UNC79: variants seen among roughly 807,000 people sequenced by gnomAD.
UNC79 encodes protein unc-79 homolog.
A neutral mutation model predicts 283.1 loss-of-function variants in UNC79; 37 were observed. That is an observed-to-expected ratio of 0.13 (90% CI 0.10 to 0.17). UNC79 has a LOEUF of 0.17. UNC79 is among the 10% of genes least tolerant of loss of function. UNC79 has a pLI of 1.00. For synonymous variants in UNC79, 1,107 were observed against 1,200.2 expected, an observed-to-expected ratio of 0.92 and a Z score of 1.61; for missense variants, 2,272 against 3,211.1, an observed-to-expected ratio of 0.71 and a Z score of 7.07.
chr14:93,484,285 A>G (rs1249319760), intron 4 of UNC79, among the ~76,000 whole-genome samples: 1 of 152,230 alleles, frequency 6.6e-6, no homozygotes, highest in Non-Finnish European at 1.5e-5. Flanking sequence ...TACTGACCAA[A>G]AAAGTTGTTG....
chr14:93,670,084 A>T (rs1469393524), intron 40 of UNC79, among the ~76,000 whole-genome samples: 1 of 152,132 alleles, frequency 6.6e-6, no homozygotes, highest in Non-Finnish European at 1.5e-5. Context: ...AGGTGATTAC[A>T]TGAGTGTTCG....
At chr14:93,480,187 G>A (rs1337984174) in intron 4 of UNC79, among the ~76,000 whole-genome samples, 4 of 152,154 alleles carry the variant, frequency 2.6e-5, no homozygotes, top group African/African-American at 7.2e-5. Context: ...TGGCAACTGA[G>A]GAGAATAAAA....
At chr14:93,601,352 A>G (rs1358805867) in intron 25 of UNC79, among the ~76,000 whole-genome samples, 3 of 151,688 alleles carry the variant, frequency 2.0e-5, no homozygotes, top group African/African-American at 7.3e-5. Context: ...AACATACGAT[A>G]TTTGGTTTTC....
intron 1 of UNC79, among the ~76,000 whole-genome samples, chr14:93,354,165 G>C (rs2054035423): frequency 6.6e-6 from 1 of 152,212 alleles, no homozygotes; most frequent in African/African-American, 2.4e-5. Context: ...TAGAATTGAA[G>C]AAAGCTATGT....
At chr14:93,468,149 A>C (rs2057313239) in intron 2 of UNC79, among the ~76,000 whole-genome samples, 1 of 152,206 alleles carries the variant, frequency 6.6e-6, no homozygotes, top group Non-Finnish European at 1.5e-5. Context: ...GCAATTCAGA[A>C]TTATGTGGCA....
At chr14:93,401,625 C>A (rs1262389431) in intron 1 of UNC79, among the ~76,000 whole-genome samples, 1 of 152,164 alleles carries the variant, frequency 6.6e-6, no homozygotes, top group African/African-American at 2.4e-5. Flanking sequence ...AGAAAAGAGT[C>A]TGAAGAAAAT....
intron 40 of UNC79, among the ~76,000 whole-genome samples, chr14:93,668,468 T>C (rs1237768753): frequency 1.3e-5 from 2 of 152,010 alleles, no homozygotes; most frequent in Non-Finnish European, 2.9e-5. Flanking sequence ...CCCTTCACTT[T>C]GGAAGGCCAA....
chr14:93,505,730 C>T (rs1232648654), intron 7 of UNC79, among the ~76,000 whole-genome samples: 5 of 146,058 alleles, frequency 3.4e-5, no homozygotes, highest in East Asian at 2.0e-4. Context: ...TTCTCTCTCT[C>T]TTTTTTTTTT....
Position 93,571,977 on chromosome 14 carries a change from T to G in UNC79, c.1839T>G (p.Tyr613Ter). The change falls in exon 15 of 49, where the codon TAT (tyrosine) becomes TAG (stop). Residue 613 changes from tyrosine to a stop codon, truncating the protein, a stop_gained. Transcript: ENST00000555664. LOFTEE classifies it high-confidence loss of function. ...ACCGAATCCTCTGCCTGATCCCCTA[T>G]AATGTGATCAATCAATCTGTCTGGG... 6.2e-7 allele frequency: 1 copy of G among 1,614,238 alleles called. No homozygotes were observed. Among genetic ancestry groups the G allele is most frequent in the Non-Finnish European group, 8.5e-7 (1 of 1,180,024 alleles).
exon 46 of UNC79, chr14:93,691,826 T>C: frequency 6.2e-7 from 1 of 1,614,190 alleles, no homozygotes; most frequent in Non-Finnish European, 8.5e-7. Context: ...GCGAGCAAAG[T>C]GCCGTCGCTA....
At chr14:93,657,058 G>C (rs1024935704) in intron 38 of UNC79, among the ~76,000 whole-genome samples, 1 of 152,200 alleles carries the variant, frequency 6.6e-6, no homozygotes, top group African/African-American at 2.4e-5. Context: ...AGCGTGTGCT[G>C]CTTTGAGCTT....
intron 1 of UNC79, chr14:93,347,993 C>A: frequency 7.7e-7 from 1 of 1,292,156 alleles, no homozygotes; most frequent in Non-Finnish European, 1.1e-6. Context: ...GCCTAGGAAG[C>A]CATACTCAGC....
intron 5 of UNC79, among the ~76,000 whole-genome samples, chr14:93,493,901 A>ATATATGTATT (rs1251701550): frequency 2.0e-5 from 1 of 49,252 alleles, no homozygotes; most frequent in Non-Finnish European, 3.3e-5. Flanking sequence ...ATATATATAT[A>ATATATGTATT]TTTTTTTTTT....
intron 14 of UNC79, among the ~76,000 whole-genome samples, chr14:93,566,458 T>C (rs913285393): frequency 1.3e-5 from 2 of 152,008 alleles, no homozygotes; most frequent in African/African-American, 4.8e-5. Context: ...GGGCAGAGCA[T>C]GTTAAAGGTA....
At chr14:93,466,834 C>T (rs1309120492) in intron 1 of UNC79, 23 of 985,184 alleles carry the variant, frequency 2.3e-5, no homozygotes, top group African/African-American at 5.2e-5. Flanking sequence ...ATGACTAGAA[C>T]GGGGTCCTTC....
intron 7 of UNC79, among the ~76,000 whole-genome samples, chr14:93,508,555 C>A (rs1240140228): frequency 6.6e-6 from 1 of 152,042 alleles, no homozygotes; most frequent in Non-Finnish European, 1.5e-5. Flanking sequence ...TTTAAAATTT[C>A]TCTCAGTGGT....
intron 1 of UNC79, among the ~76,000 whole-genome samples, chr14:93,417,935 C>T (rs1595451133): frequency 6.6e-6 from 1 of 151,664 alleles, no homozygotes; most frequent in South Asian, 2.1e-4. Context: ...AAATTTTTTT[C>T]AAAGTTTTCG....
intron 1 of UNC79, among the ~76,000 whole-genome samples, chr14:93,374,921 T>C (rs574815175): frequency 6.6e-6 from 1 of 152,248 alleles, no homozygotes; most frequent in South Asian, 2.1e-4. Flanking sequence ...CTTTGGAGTT[T>C]TGAGTTGGTG....
intron 47 of UNC79, among the ~76,000 whole-genome samples, chr14:93,702,556 T>C (rs1291406522): frequency 6.6e-6 from 1 of 152,192 alleles, no homozygotes; most frequent in East Asian, 1.9e-4. Flanking sequence ...GCTTATCACT[T>C]CACCAAGTTC....
Sources: gnomAD v4.1 joint callset for allele counts (sites outside exome capture counted in the v4.1 genomes callset) on GRCh38, gnomAD v4.1.1 for gene constraint, MANE v1.5 for transcripts, NCBI Gene and HGNC (gene_info 2026-07-23, HGNC 2026-07-21) for gene names.